The following HOXD3 variants were observed in gnomAD, a reference collection of about 807,000 sequenced individuals.
The protein encoded by HOXD3 is homeobox D3.
Under a neutral mutation model 32.8 loss-of-function variants are expected in HOXD3, and 13 were observed. The observed-to-expected ratio is 0.40, with a 90% CI of 0.26 to 0.63. HOXD3 has a LOEUF of 0.63. HOXD3 is among the 20% of genes least tolerant of loss of function. The pLI is 0.44. For missense variants in HOXD3, 504 were observed against 577.1 expected, an observed-to-expected ratio of 0.87 and a Z score of 1.30; for synonymous variants, 241 against 246.8, an observed-to-expected ratio of 0.98 and a Z score of 0.22.
upstream of HOXD3, chr2:176,152,848 C>A: frequency 6.2e-7 from 1 of 1,614,066 alleles, no homozygotes; most frequent in Middle Eastern, 1.6e-4. The surrounding 1 kb of genome is among the most constrained non-coding windows in gnomAD (Gnocchi z 5.2). Flanking sequence ...TCATCGTCCT[C>A]ATCTTCCTCC....
chr2:176,157,129 G>T (rs1017622014), upstream of HOXD3, among the ~76,000 whole-genome samples: 1 of 152,150 alleles, frequency 6.6e-6, no homozygotes. Context: ...CCATGTTGGG[G>T]AGCCCTCCCT....
In HOXD3 at chr2:176,169,413, G is replaced by T. The variant is rs977065570; in HGVS notation, c.299G>T (p.Gly100Val). ...CGGCCGGGCACTGGGAACAGCCAGG[G>T]TGGGGGTGGTGGCAGCCAGCCTCCT... ...CMRPGTGNSQ[G>V]GGGGSQPPGL... The change falls in exon 3 of 4, where the codon GGT (glycine) becomes GTT (valine). Residue 100 changes from glycine (G) to valine (V), a missense_variant. This residue lies in a region of HOXD3 where 181 missense variants were observed against 172.2 expected (regional missense o/e 1.05). Coordinates refer to ENST00000683222, the MANE Select transcript of HOXD3 (RefSeq NM_006898.5). 1 of 1,613,700 alleles carries T rather than the reference G, an allele frequency of 6.2e-7. No homozygotes were observed.
chr2:176,168,963 A>C (rs1691083229), intron 2 of HOXD3, 68 bp from the exon 3 acceptor site: 4 of 1,195,568 alleles, frequency 3.3e-6, no homozygotes, highest in Non-Finnish European at 4.6e-6. Flanking sequence ...AGCATGGGCT[A>C]GTCCTTCTAT....
upstream of HOXD3, among the ~76,000 whole-genome samples, chr2:176,155,994 G>A (rs1559135581): frequency 6.6e-6 from 1 of 152,112 alleles, no homozygotes; most frequent in Non-Finnish European, 1.5e-5. Context: ...ACTGATTAAA[G>A]TATTATTTAT....
upstream of HOXD3, among the ~76,000 whole-genome samples, chr2:176,156,596 C>A (rs1309985019): frequency 6.6e-6 from 1 of 152,132 alleles, no homozygotes; most frequent in East Asian, 1.9e-4. Flanking sequence ...TGGGCTTCTA[C>A]TTTTCCAGTA....
At chr2:176,158,647 C>T in intron 1 of HOXD3, among the ~76,000 whole-genome samples, 1 of 152,102 alleles carries the variant, frequency 6.6e-6, no homozygotes, top group East Asian at 1.9e-4. Flanking sequence ...CCCGTCAGGA[C>T]AGAAACAAAG....
intron 3 of HOXD3, among the ~76,000 whole-genome samples, chr2:176,170,560 G>A (rs1691136755): frequency 6.6e-6 from 1 of 152,206 alleles, no homozygotes; most frequent in Non-Finnish European, 1.5e-5. Context: ...TTTATCTTCA[G>A]GTAGATGAAC....
chr2:176,160,765 G>T (rs1053088346), intron 1 of HOXD3: 1 of 152,244 alleles, frequency 6.6e-6, no homozygotes, highest in African/African-American at 2.4e-5. Flanking sequence ...CCAGGAGTGG[G>T]TGGGGGCGCG....
At chr2:176,166,470 A>T (rs1690974453) in intron 2 of HOXD3, among the ~76,000 whole-genome samples, 1 of 152,200 alleles carries the variant, frequency 6.6e-6, no homozygotes, top group Non-Finnish European at 1.5e-5. Flanking sequence ...GAGGGTTAAG[A>T]CTGAAAGCAG....
chr2:176,153,086 AGCATCCTGCCCGAGG>A (rs1289377318), upstream of HOXD3: 105 of 492,762 alleles, frequency 2.1e-4, no homozygotes, highest in Non-Finnish European at 3.6e-4. Context: ...GGACTAGGTT[AGCATCCTGCCCGAGG>A]GCAGCCCCCT....
chr2:176,164,748 T>TC (rs1211102337), intron 2 of HOXD3: 4 of 152,084 alleles, frequency 2.6e-5, no homozygotes, highest in Non-Finnish European at 4.4e-5. Context: ...TCCATCGCCT[T>TC]CCCCCTCTCT....
intron 1 of HOXD3, among the ~76,000 whole-genome samples, chr2:176,161,592 T>A (rs566407559): frequency 4.6e-5 from 7 of 151,296 alleles, no homozygotes; most frequent in African/African-American, 1.7e-4. Flanking sequence ...GCCAGCTCCC[T>A]GCATTGTTCC....
upstream of HOXD3, chr2:176,153,009 G>C (rs1351229280): frequency 6.7e-7 from 1 of 1,502,964 alleles, no homozygotes; most frequent in African/African-American, 1.4e-5. Flanking sequence ...GGGCAGGCCG[G>C]GCCTGCTGTC....
At chr2:176,166,068 C>A (rs570749391) in intron 2 of HOXD3, among the ~76,000 whole-genome samples, 4 of 152,310 alleles carry the variant, frequency 2.6e-5, no homozygotes, top group South Asian at 4.1e-4. Flanking sequence ...GTAAGGACAG[C>A]ACCATCACTG....
chr2:176,155,116 C>T (rs539959818), upstream of HOXD3, among the ~76,000 whole-genome samples: 3 of 152,206 alleles, frequency 2.0e-5, no homozygotes, highest in South Asian at 6.2e-4. Context: ...TTGGATGTAC[C>T]ATTTGAAAGG....
rs1361367920 is a variant in HOXD3, at chr2:176,164,115, A to G, written c.-138A>G. 1.3e-5 allele frequency: 2 copies of G among 150,894 alleles called. No individual in the cohort carries two copies. The highest frequency in any genetic ancestry group is 2.4e-5 in the African/African-American group (1 of 41,144). The allele number at this position is 150,894 out of a possible 1,614,324, so 9.3% of individuals were successfully genotyped here. ...TCAAAAGAAACCTGAAGAGCCTACA[A>G]AAAAAAAAGAGATAAAGACAAAATT... On this transcript the variant is annotated 5_prime_UTR_variant, in exon 2 of 4. Coordinates refer to ENST00000683222, the MANE Select transcript of HOXD3 (RefSeq NM_006898.5).
intron 1 of HOXD3, among the ~76,000 whole-genome samples, chr2:176,163,694 C>T (rs1489335692): frequency 6.6e-6 from 1 of 152,152 alleles, no homozygotes; most frequent in Admixed American, 6.5e-5. Context: ...TGCACGGTCT[C>T]TCTCTTCTGC....
intron 2 of HOXD3, chr2:176,165,156 C>T (rs998972764): frequency 6.6e-6 from 1 of 152,212 alleles, no homozygotes; most frequent in Admixed American, 6.5e-5. Flanking sequence ...AAGTGCCGGG[C>T]CTTGGGAAGT....
intron 1 of HOXD3, among the ~76,000 whole-genome samples, chr2:176,157,890 G>T (rs1244899929): frequency 6.6e-6 from 1 of 151,976 alleles, no homozygotes; most frequent in Non-Finnish European, 1.5e-5. Flanking sequence ...TGTCTACCAG[G>T]AACAATGGTC....
Sources: gnomAD v4.1 joint callset for allele counts (sites outside exome capture counted in the v4.1 genomes callset) on GRCh38, gnomAD v4.1.1 for gene constraint, gnomAD v4.1.1 regional missense constraint, Gnocchi (gnomAD v3.1) non-coding constraint, MANE v1.5 for transcripts, NCBI Gene and HGNC (gene_info 2026-07-23, HGNC 2026-07-21) for gene names.